Variants in TNFRSF10B observed in about 807,000 individuals in gnomAD.
TNFRSF10B encodes tumor necrosis factor receptor superfamily member 10B.
Under a neutral mutation model 41.4 loss-of-function variants are expected in TNFRSF10B, and 35 were observed. The ratio of observed to expected loss-of-function variants is 0.85; its 90% CI spans 0.65 to 1.12. The LOEUF (loss-of-function observed/expected upper bound fraction) is 1.12, where lower values mean the gene tolerates loss of function less well. Ranked by LOEUF, TNFRSF10B falls within the 50% of genes most tolerant of loss-of-function variation. The probability of loss-of-function intolerance (pLI) is 0.00; values close to 1 mark genes in which losing one functional copy is unlikely to be tolerated. For synonymous variants in TNFRSF10B, 230 were observed against 215.5 expected (o/e 1.07, Z -0.59); for missense variants, 584 against 552.7 (o/e 1.06, Z -0.57).
chr8:23,033,620 A>AG (rs1811947172), intron 2 of TNFRSF10B, among the ~76,000 whole-genome samples: 1 of 107,668 alleles, frequency 9.3e-6, no homozygotes, highest in Non-Finnish European at 2.1e-5. Flanking sequence ...AAAAAAAAAA[A>AG]AGAACCCTGG....
In TNFRSF10B at chr8:23,022,908, GCCCAACTT is replaced by G. The variant is rs1451704575; in HGVS notation, c.1078_1085del (p.Lys360ProfsTer5). 2.5e-6 allele frequency: 4 copies of G among 1,614,030 alleles called. No homozygotes were observed. Among genetic ancestry groups the G allele is most frequent in the Non-Finnish European group, 3.4e-6 (4 of 1,179,998 alleles). On this transcript the variant is annotated frameshift_variant, in exon 9 of 9. Coordinates refer to ENST00000276431, the MANE Select transcript of TNFRSF10B (RefSeq NM_003842.5). LOFTEE classifies it low-confidence loss of function (END_TRUNC). ...CCACCTTTATCTCATTGTCCATGAG[GCCCAACTT>G]CCTCATGAGCGGCTCCCAGGAGTCA...
rs137862150 is a variant in TNFRSF10B at position 23,037,692 on chromosome 8, A to T, written c.250+5446T>A. Among the ~76,000 whole-genome samples the T allele has an allele frequency of 1.2e-3, 190 of 152,290 alleles. 4 individuals carry two copies. Among genetic ancestry groups the T allele is most frequent in the Admixed American group, 9.4e-3 (144 of 15,302 alleles). On this transcript the variant is annotated intron_variant, in intron 2 of 8. Transcript: ENST00000276431. Reference sequence around the variant, plus strand: ...ATCTCAAAACTGCTGGCTTGGTAAGATGGTGGGATATGGCTTTTTGAAAAC... The same window carrying T: ...ATCTCAAAACTGCTGGCTTGGTAAGTTGGTGGGATATGGCTTTTTGAAAAC...
At chr8:23,025,601 T>C (rs1370509311) in intron 7 of TNFRSF10B, among the ~76,000 whole-genome samples, 1 of 152,198 alleles carries the variant, frequency 6.6e-6, no homozygotes, top group South Asian at 2.1e-4. Context: ...TAAATACATA[T>C]GCATTTATGT....
chr8:23,068,631 C>T, intron 1 of TNFRSF10B, 120 bp downstream of exon 1: 1 of 1,439,194 alleles, frequency 6.9e-7, no homozygotes, highest in Non-Finnish European at 9.2e-7. Context: ...GCGTCTTGCC[C>T]GGACATGCCC....
chr8:23,058,425 C>T (rs977588174), intron 1 of TNFRSF10B, among the ~76,000 whole-genome samples: 2 of 151,792 alleles, frequency 1.3e-5, no homozygotes, highest in Non-Finnish European at 2.9e-5. Flanking sequence ...TTTACCTGTT[C>T]CTTCTTACCT....
intron 6 of TNFRSF10B, 94 bp from the exon 7 acceptor site, chr8:23,027,382 C>T (rs1415498329): frequency 8.0e-6 from 12 of 1,493,484 alleles, no homozygotes; most frequent in African/African-American, 1.4e-5. Flanking sequence ...CACCTGACAT[C>T]CCCACCCCCT....
chr8:23,034,873 T>G (rs1177569928), intron 2 of TNFRSF10B, among the ~76,000 whole-genome samples: 4 of 152,254 alleles, frequency 2.6e-5, no homozygotes, highest in African/African-American at 9.6e-5. Context: ...TGGATCTTGG[T>G]GAATGACAGT....
Position 23,020,208 on chromosome 8 carries a change from C to CTTGT in TNFRSF10B, c.*2459_*2462dup, listed in dbSNP as rs1811466550. 1 of 447,390 alleles carries CTTGT rather than the reference C, an allele frequency of 2.2e-6. No homozygotes were observed. Among genetic ancestry groups the CTTGT allele is most frequent in the Admixed American group, 2.4e-5 (1 of 42,190 alleles). The allele number at this position is 447,390 out of a possible 1,614,324, so 27.7% of individuals were successfully genotyped here. On this transcript the variant is annotated 3_prime_UTR_variant, in exon 9 of 9. Transcript: ENST00000276431. Reference sequence around the variant, plus strand: ...AAGTATTTTGTACACAATGTGCTTCCTTGTTTGTATTATAACACATTTCAA... The same window carrying CTTGT: ...AAGTATTTTGTACACAATGTGCTTCCTTGTTTGTTTGTATTATAACACATTTCAA...
chr8:23,058,305 C>G (rs948070654), intron 1 of TNFRSF10B, among the ~76,000 whole-genome samples: 1 of 152,164 alleles, frequency 6.6e-6, no homozygotes, highest in Non-Finnish European at 1.5e-5. Context: ...TTTCATCCTT[C>G]TAACCATATC....
At chr8:23,066,387 T>A (rs1210661504) in intron 1 of TNFRSF10B, among the ~76,000 whole-genome samples, 1 of 152,084 alleles carries the variant, frequency 6.6e-6, no homozygotes. Flanking sequence ...ATACAGTAGA[T>A]GAGATTAACA....
At chr8:23,044,837 A>G (rs1812308305) in intron 1 of TNFRSF10B, among the ~76,000 whole-genome samples, 1 of 152,108 alleles carries the variant, frequency 6.6e-6, no homozygotes, top group African/African-American at 2.4e-5. Flanking sequence ...AAATTCTGTT[A>G]GTTTTTTGAA....
chr8:23,034,341 C>G (rs1235092960), intron 2 of TNFRSF10B, among the ~76,000 whole-genome samples: 2 of 152,244 alleles, frequency 1.3e-5, no homozygotes, highest in Admixed American at 1.3e-4. Flanking sequence ...TCCCCACCTT[C>G]ATTCCCTGAC....
intron 1 of TNFRSF10B, among the ~76,000 whole-genome samples, chr8:23,052,516 G>A (rs914848687): frequency 6.6e-6 from 1 of 152,020 alleles, no homozygotes; most frequent in Non-Finnish European, 1.5e-5. Flanking sequence ...TTGATCTCCT[G>A]ACCTTGTGAT....
chr8:23,038,762 G>A lies in TNFRSF10B; in HGVS notation c.250+4376C>T, dbSNP rs554245624. On this transcript the variant is annotated intron_variant, in intron 2 of 8. Coordinates refer to ENST00000276431, the MANE Select transcript of TNFRSF10B (RefSeq NM_003842.5). ...TTTCCATTACTTGGAGATCAAGTAT[G>A]GTTTAAAAGAATTTCAAATCTTTAA... 3.9e-5 allele frequency among the ~76,000 whole-genome samples: 6 copies of A among 152,156 alleles called. No individual in the cohort carries two copies. The East Asian group carries it at 9.7e-4, about 24-fold the overall frequency.
Position 23,021,468 on chromosome 8 carries a change from C to T in TNFRSF10B, c.*1203G>A, listed in dbSNP as rs887850481. On this transcript the variant is annotated 3_prime_UTR_variant, in exon 9 of 9. Transcript: ENST00000276431. ...TCTTCCCCCTTGATGCCATGGCAGA[C>T]GTGGGAGACAGATTTTGTCTTCTAT... is the stretch of plus-strand genomic sequence containing the variant. 1.8e-5 allele frequency: 8 copies of T among 453,984 alleles called. No homozygotes were observed. The highest frequency in any genetic ancestry group is 4.0e-5 in the African/African-American group (2 of 49,994). 28.1% of individuals were successfully genotyped at this position (453,984 alleles called of 1,614,324 possible). A position where few individuals can be genotyped will look rare whatever the true frequency, so the allele number is the denominator to read the frequency against.
At position 23,022,776 on chromosome 8, in the gene TNFRSF10B, C is replaced by T; in HGVS notation, c.1218G>A (p.Leu406=). The T allele has an allele frequency of 6.2e-7, 1 of 1,613,986 alleles. No homozygotes were observed. Among genetic ancestry groups the T allele is most frequent in the Non-Finnish European group, 8.5e-7 (1 of 1,179,940 alleles). Residue 406 remains leucine (L), a synonymous_variant, in exon 9 of 9, where the codon TTG becomes TTA. Transcript: ENST00000276431. ...TGGCAAGTCTCTCTCCCAGCGTCTC[C>T]AAGGCATCCAGCAGGGTGTGGACAG... ...DASVHTLLDA[L]ETLGERLAKQ...
intron 4 of TNFRSF10B, 92 bp from the exon 5 acceptor site, chr8:23,028,694 C>T: frequency 6.6e-7 from 1 of 1,504,474 alleles, no homozygotes; most frequent in Admixed American, 1.7e-5. Flanking sequence ...CCCAGTGTCC[C>T]TGAGAAGGTG....
At chr8:23,042,584 A>T (rs1466094826) in intron 2 of TNFRSF10B, among the ~76,000 whole-genome samples, 1 of 152,194 alleles carries the variant, frequency 6.6e-6, no homozygotes, top group Non-Finnish European at 1.5e-5. Flanking sequence ...GGTTCAGTCC[A>T]GGAGTGGGCA....
At chr8:23,060,938 T>C (rs1309507592) in intron 1 of TNFRSF10B, among the ~76,000 whole-genome samples, 1 of 152,198 alleles carries the variant, frequency 6.6e-6, no homozygotes, top group Non-Finnish European at 1.5e-5. Flanking sequence ...TCATTGGTAG[T>C]GTATAGAAAT....
Sources: allele counts gnomAD v4.1 joint callset (sites outside exome capture counted in the v4.1 genomes callset), GRCh38; gene constraint gnomAD v4.1.1; transcripts MANE v1.5; gene names NCBI Gene and HGNC (gene_info 2026-07-23, HGNC 2026-07-21).